The following MED12 variants were observed in gnomAD, a reference collection of about 807,000 sequenced individuals.
MED12 encodes the protein mediator of RNA polymerase II transcription subunit 12.
In MED12, 10 loss-of-function variants were observed where a neutral mutation model predicts 177.7. The observed-to-expected ratio is 0.06, with a 90% confidence interval of 0.03 to 0.10. MED12 has a LOEUF of 0.10. MED12 is among the 10% of genes least tolerant of loss of function. The pLI is 1.00. For missense variants in MED12, 867 were observed against 1,780.8 expected (o/e 0.49, Z 9.23); for synonymous variants, 641 against 678.4 (o/e 0.94, Z 0.86).
Position 71,121,592 on chromosome X carries a change from C to T in MED12, c.877C>T (p.Leu293=), listed in dbSNP as rs764716429. ...YSGEFVQSAY[L]SRRLAYFCTR... The stretch of plus-strand genomic sequence containing the variant: ...TGGGGAATTTGTTCAGTCTGCATAC[C>T]TGTCCCGCCGGCTTGCCTACTTCTG... Residue 293 remains leucine, a synonymous_variant, in exon 7 of 45, where the codon CTG becomes TTG. Transcript: ENST00000374080. The T allele has an allele frequency of 1.4e-5, 17 of 1,209,648 alleles. No homozygotes were observed. In the Admixed American group the frequency reaches 2.2e-4, roughly 16 times the overall value.
At chrX:71,122,050 G>A (rs895650409) in intron 7 of MED12, 150 bp from the exon 8 acceptor site, 18 of 876,111 alleles carry the variant, frequency 2.1e-5, no homozygotes, top group Non-Finnish European at 3.0e-5. Context: ...GAAAGTGAGT[G>A]AAGGGAGGGG....
intron 33 of MED12, 131 bp downstream of exon 33, chrX:71,133,343 T>G: frequency 2.1e-6 from 1 of 482,640 alleles, no homozygotes; most frequent in Non-Finnish European, 3.6e-6. Context: ...AGGGTTTTTT[T>G]TTTTTTTGGA....
intron 7 of MED12, 39 bp from the exon 8 acceptor site, chrX:71,122,161 A>G (rs762560076): frequency 1.7e-6 from 2 of 1,208,571 alleles, no homozygotes; most frequent in Non-Finnish European, 2.2e-6. Flanking sequence ...AGGGGTAACC[A>G]TGGTGAATGA....
intron 10 of MED12, 71 bp downstream of exon 10, chrX:71,122,945 T>C: frequency 8.6e-7 from 1 of 1,161,719 alleles, no homozygotes; most frequent in South Asian, 1.8e-5. Context: ...AGGGAAGTCA[T>C]GGTGAGGCAT....
At chrX:71,128,831 T>C in intron 24 of MED12, 113 bp downstream of exon 24, 3 of 959,490 alleles carry the variant, frequency 3.1e-6, no homozygotes, top group Non-Finnish European at 2.9e-6. Context: ...CTCCCTGGCC[T>C]TCCTCAGAAG....
At chrX:71,132,807 T>TCTCTTCTC in intron 31 of MED12, 38 bp from the exon 32 acceptor site, 1 of 658,757 alleles carries the variant, frequency 1.5e-6, no homozygotes, top group Non-Finnish European at 2.3e-6. Flanking sequence ...TCTCTTCTCT[T>TCTCTTCTC]CTCTTCTCTT....
intron 39 of MED12, 69 bp from the exon 40 acceptor site, chrX:71,137,489 G>A (rs2147829954): frequency 1.7e-6 from 2 of 1,151,974 alleles, no homozygotes; most frequent in South Asian, 1.8e-5. Context: ...CACTCAGGGT[G>A]GGAGACACAA....
In MED12 at chrX:71,131,796, G is replaced by A. The variant is rs60344770; in HGVS notation, c.4119+175G>A. ...TGATGATAAGGGAAATGGGTTGAGA[G>A]TGTTGGAGCTCTGAGCTGTGGGGAA... is the stretch of plus-strand genomic sequence containing the variant. On this transcript the variant is annotated intron_variant, in intron 29 of 44. Coordinates refer to ENST00000374080, the MANE Select transcript of MED12 (RefSeq NM_005120.3). 5.4e-3 allele frequency among the ~76,000 whole-genome samples: 605 copies of A among 111,506 alleles called. 5 individuals carry two copies. The highest frequency in any genetic ancestry group is 0.019 in the African/African-American group (585 of 30,647).
chrX:71,125,901 C>G (rs770091625), intron 17 of MED12, 135 bp from the exon 18 acceptor site: 37 of 550,204 alleles, frequency 6.7e-5, no homozygotes, highest in Non-Finnish European at 7.6e-5. Context: ...TTTCCCTCTT[C>G]CTTCCTTCCC....
At position 71,126,444 on chromosome X, in the gene MED12, A is replaced by G; in HGVS notation, c.2645A>G (p.Tyr882Cys). The change falls in exon 19 of 45, where the codon TAT (tyrosine) becomes TGT (cysteine). Residue 882 changes from tyrosine (Y) to cysteine (C), a missense_variant. By Grantham distance (194) the Tyr-to-Cys change is radical. Transcript: ENST00000374080. The stretch of plus-strand genomic sequence containing the variant: ...CAGTTCATCTTCGACCTCATGGAAT[A>G]TTCACTCAGCATCAGTGGCCTCATC... ...HVQFIFDLME[Y>C]SLSISGLIDF... The G allele has an allele frequency of 8.3e-7, 1 of 1,212,111 alleles. No homozygotes were observed. Among genetic ancestry groups the G allele is most frequent in the South Asian group, 1.8e-5 (1 of 57,055 alleles).
rs756839501 is a variant in MED12 at position 71,135,178 on chromosome X, G to A, written c.4950G>A (p.Thr1650=). Residue 1650 remains threonine, a synonymous_variant, in exon 36 of 45, where the codon ACG becomes ACA. Coordinates refer to ENST00000374080, the MANE Select transcript of MED12 (RefSeq NM_005120.3). ...CCAAGCAGACCCGAGATGTCATCACGTGTGAGCCACAGGGCTCCCTTATCG... is the reference window on the plus strand; with the variant it reads ...CCAAGCAGACCCGAGATGTCATCACATGTGAGCCACAGGGCTCCCTTATCG... ...PLPKQTRDVI[T]CEPQGSLIDT... is the part of the protein sequence containing the mutation. The A allele has an allele frequency of 1.9e-5, 23 of 1,209,839 alleles. No individual in the cohort carries two copies. Among genetic ancestry groups the A allele is most frequent in the Middle Eastern group, 2.3e-4 (1 of 4,354 alleles).
At chrX:71,141,436 C>T in intron 43 of MED12, 66 bp downstream of exon 43, 2 of 1,142,119 alleles carry the variant, frequency 1.8e-6, no homozygotes, top group East Asian at 6.5e-5. Flanking sequence ...AGCCAGTGAA[C>T]TGGGTTGGGG....
chrX:71,133,231 G>A lies in MED12; in HGVS notation c.4617+19G>A, dbSNP rs764747087. 1 of 1,103,938 alleles carries A rather than the reference G, an allele frequency of 9.1e-7. No individual in the cohort carries two copies. The highest frequency in any genetic ancestry group is 1.8e-5 in the African/African-American group (1 of 55,108). The allele number at this position is 1,103,938 out of a possible 1,213,427, so 91.0% of individuals were successfully genotyped here. On this transcript the variant is annotated intron_variant, in intron 33 of 44. Coordinates refer to ENST00000374080, the MANE Select transcript of MED12 (RefSeq NM_005120.3). ...CAACCTGGTGAGAAGGCCAGCTGGG[G>A]AGAAGAAGGAAGAGGGTAGGGCTGG... is the stretch of plus-strand genomic sequence containing the variant.
chrX:71,140,761 GCAGCAA>G lies in MED12; in HGVS notation c.6183_6188del (p.Gln2075_Gln2076del), dbSNP rs753370104. 5.8e-6 allele frequency: 7 copies of G among 1,207,884 alleles called. No homozygotes were observed. The highest frequency in any genetic ancestry group is 3.5e-5 in the South Asian group (2 of 56,723). On this transcript the variant is annotated inframe_deletion, in exon 42 of 45. Transcript: ENST00000374080. ...CTGAGCAGCAGCAGCAGCAGCAACAGCAGCAACAGCAACAGCAGCAGCAGCAGCAAC... is the reference window on the plus strand; with the variant it reads ...CTGAGCAGCAGCAGCAGCAGCAACAGCAGCAACAGCAGCAGCAGCAGCAAC...
At position 71,127,337 on chromosome X, in the gene MED12, C is replaced by T. The variant is rs1427648813; in HGVS notation, c.2851C>T (p.Leu951=). 3 of 1,209,674 alleles carry T rather than the reference C, an allele frequency of 2.5e-6. No homozygotes were observed. The highest frequency in any genetic ancestry group is 2.2e-5 in the Admixed American group (1 of 45,792). ...TCCCAACCTTGCTTCTTCATGCAGG[C>T]TGTGTGGCGTCGTGAAGCATGGGAT... ...QDQMAQVFEG[L]CGVVKHGMNR... is the part of the protein sequence containing the mutation. The change falls in exon 21 of 45, where the codon CTG becomes TTG. Residue 951 remains leucine, a splice_region_variant and synonymous_variant. Transcript: ENST00000374080.
intron 24 of MED12, 169 bp from the exon 25 acceptor site, chrX:71,128,945 C>T (rs1045207265): frequency 5.4e-6 from 3 of 554,497 alleles, no homozygotes; most frequent in Non-Finnish European, 9.1e-6. Context: ...CGTAACAGTT[C>T]TCTGCTCTAC....
At chrX:71,129,089 C>G in intron 24 of MED12, 25 bp from the exon 25 acceptor site, 1 of 1,154,369 alleles carries the variant, frequency 8.7e-7, no homozygotes, top group Non-Finnish European at 1.2e-6. Flanking sequence ...TCATCCCTTC[C>G]AGATCTGTTT....
rs760651439 is a variant in MED12 at position 71,129,383 on chromosome X, C to T, written c.3645C>T (p.Ile1215=). 7 of 1,209,738 alleles carry T rather than the reference C, an allele frequency of 5.8e-6. No individual in the cohort carries two copies. The South Asian group carries it at 8.8e-5, about 15-fold the overall frequency. Residue 1215 remains isoleucine (I), a synonymous_variant, in exon 26 of 45, where the codon ATC becomes ATT. Coordinates refer to ENST00000374080, the MANE Select transcript of MED12 (RefSeq NM_005120.3). ...RHLLAASQNR[I]VDGAVFAVLK... is the part of the protein sequence containing the mutation. Reference sequence around the variant, plus strand: ...TGCTGGCTGCCTCCCAGAACCGCATCGTGGATGGAGCCGTGTTTGCTGTTC... The same window carrying T: ...TGCTGGCTGCCTCCCAGAACCGCATTGTGGATGGAGCCGTGTTTGCTGTTC...
chrX:71,131,278 C>T (rs971873848), intron 28 of MED12, among the ~76,000 whole-genome samples: 1 of 110,512 alleles, frequency 9.0e-6, no homozygotes, highest in Non-Finnish European at 1.9e-5. Context: ...ACAGGTCGCC[C>T]ATCACCACGC....
Sources: allele counts gnomAD v4.1 joint callset (sites outside exome capture counted in the v4.1 genomes callset), GRCh38; gene constraint gnomAD v4.1.1; transcripts MANE v1.5; gene names NCBI Gene and HGNC (gene_info 2026-07-23, HGNC 2026-07-21).